TGFBR3: variants seen among roughly 807,000 people sequenced by gnomAD.
The protein encoded by TGFBR3 is transforming growth factor beta receptor type 3.
A neutral mutation model predicts 87.9 loss-of-function variants in TGFBR3; 46 were observed. That is an observed-to-expected ratio of 0.52 (90% confidence interval 0.41 to 0.67). The LOEUF (loss-of-function observed/expected upper bound fraction) is 0.67, where lower values mean the gene tolerates loss of function less well. Ranked by LOEUF, TGFBR3 falls within the 30% of genes least tolerant of loss-of-function variation. The pLI, the probability that TGFBR3 is intolerant of heterozygous loss-of-function variation, is 0.00. For synonymous variants in TGFBR3, 381 were observed against 391.6 expected, an observed-to-expected ratio of 0.97 and a Z score of 0.32; for missense variants, 866 against 1,041.9, an observed-to-expected ratio of 0.83 and a Z score of 2.32.
At chr1:91,702,675 C>T (rs1314771169) in intron 14 of TGFBR3, among the ~76,000 whole-genome samples, 1 of 152,058 alleles carries the variant, frequency 6.6e-6, no homozygotes, top group African/African-American at 2.4e-5. Flanking sequence ...ACAAGATTCA[C>T]CATAAATTGG....
chr1:91,852,993 G>A (rs1677797332), intron 2 of TGFBR3, among the ~76,000 whole-genome samples: 1 of 150,362 alleles, frequency 6.7e-6, no homozygotes, highest in South Asian at 2.1e-4. Context: ...CATCTCTACA[G>A]AAAAAAAACA....
At chr1:91,807,952 T>C (rs1675895703) in intron 2 of TGFBR3, among the ~76,000 whole-genome samples, 1 of 152,206 alleles carries the variant, frequency 6.6e-6, no homozygotes, top group Non-Finnish European at 1.5e-5. Context: ...ATTAGAGACA[T>C]AAAGTCCCTT....
chr1:91,772,078 C>T (rs922675043), intron 3 of TGFBR3, among the ~76,000 whole-genome samples: 1 of 152,098 alleles, frequency 6.6e-6, no homozygotes, highest in Non-Finnish European at 1.5e-5. Flanking sequence ...AGAAGAATGT[C>T]GTTGAAAGGG....
chr1:91,689,840 T>TAAAA (rs545760131), intron 16 of TGFBR3, among the ~76,000 whole-genome samples: 203 of 98,940 alleles, frequency 2.1e-3, no homozygotes, highest in East Asian at 4.7e-3. Flanking sequence ...AGAAACTGAT[T>TAAAA]AAAAAAAAAA....
chr1:91,860,566 G>C (rs776179278), intron 2 of TGFBR3, among the ~76,000 whole-genome samples: 4 of 152,072 alleles, frequency 2.6e-5, no homozygotes, highest in Non-Finnish European at 5.9e-5. Context: ...TGGGAGATCC[G>C]ATACTCTTAG....
intron 2 of TGFBR3, among the ~76,000 whole-genome samples, chr1:91,828,245 T>C (rs147480043): frequency 3.3e-5 from 5 of 152,184 alleles, no homozygotes; most frequent in African/African-American, 1.2e-4. Flanking sequence ...TCCTGCACCA[T>C]GAAGAACTTT....
At chr1:91,800,912 C>T (rs1478516729) in intron 2 of TGFBR3, 6 of 195,638 alleles carry the variant, frequency 3.1e-5, no homozygotes, top group South Asian at 7.1e-5. Flanking sequence ...TGGTAAACCC[C>T]GTGTCTACTA....
chr1:91,771,431 A>T (rs1674372910), intron 3 of TGFBR3, among the ~76,000 whole-genome samples: 1 of 152,130 alleles, frequency 6.6e-6, no homozygotes, highest in South Asian at 2.1e-4. Flanking sequence ...TGGGCCGGAC[A>T]CGGTGGCTCA....
chr1:91,780,661 G>T (rs1674728119), intron 3 of TGFBR3, among the ~76,000 whole-genome samples: 1 of 145,520 alleles, frequency 6.9e-6, no homozygotes. Flanking sequence ...CCGGGCTCAA[G>T]CGATTCTCCT....
At chr1:91,811,798 C>T (rs572608371) in intron 2 of TGFBR3, among the ~76,000 whole-genome samples, 71 of 152,104 alleles carry the variant, frequency 4.7e-4, no homozygotes, top group African/African-American at 1.5e-3. Flanking sequence ...CGAAACTTTA[C>T]ATAGTAACAT....
At chr1:91,782,862 G>A (rs966926447) in intron 3 of TGFBR3, among the ~76,000 whole-genome samples, 3 of 152,170 alleles carry the variant, frequency 2.0e-5, no homozygotes, top group African/African-American at 7.2e-5. Context: ...CTCTGGGAGG[G>A]GGACTCACCT....
chr1:91,832,585 G>A (rs1303559119), intron 2 of TGFBR3, among the ~76,000 whole-genome samples: 1 of 152,182 alleles, frequency 6.6e-6, no homozygotes, highest in Non-Finnish European at 1.5e-5. Flanking sequence ...CTCACTCAAA[G>A]TCATAAAATT....
At position 91,680,670 on chromosome 1, in the gene TGFBR3, C is replaced by G. The variant is rs1670877669; in HGVS notation, c.*3069G>C. The G allele has an allele frequency of 2.2e-6, 1 of 453,838 alleles. No homozygotes were observed. The highest frequency in any genetic ancestry group is 2.0e-5 in the African/African-American group (1 of 49,946). The allele number at this position is 453,838 out of a possible 1,614,324, so 28.1% of individuals were successfully genotyped here. On this transcript the variant is annotated 3_prime_UTR_variant, in exon 17 of 17. Coordinates refer to ENST00000212355, the MANE Select transcript of TGFBR3 (RefSeq NM_003243.5). ...CAGATAAAACAAACATGAAAAAAATCACATAGGACTCACCCAACAAAATGT... is the reference window on the plus strand; with the variant it reads ...CAGATAAAACAAACATGAAAAAAATGACATAGGACTCACCCAACAAAATGT...
rs762367517 is a variant in TGFBR3, at chr1:91,716,552, G to A, written c.1707+16C>T. ...CAGCATTTTCCACAAACCCCCTACT[G>A]ATAACAAACACATACCACCACGATT... On this transcript the variant is annotated intron_variant, in intron 11 of 16. Transcript: ENST00000212355. 10 of 1,613,914 alleles carry A rather than the reference G, an allele frequency of 6.2e-6. No individual in the cohort carries two copies. In the African/African-American group the frequency reaches 1.3e-4, roughly 22 times the overall value.
intron 2 of TGFBR3, among the ~76,000 whole-genome samples, chr1:91,815,371 G>A (rs2489178): frequency 0.13 from 19,362 of 151,570 alleles, 1,583 homozygotes; most frequent in East Asian, 0.38. Context: ...CTAATCCTCA[G>A]GGTCATCATG....
chr1:91,688,608 T>A (rs111254593), intron 16 of TGFBR3, among the ~76,000 whole-genome samples: 2,965 of 152,278 alleles, frequency 0.019, 90 homozygotes, highest in African/African-American at 0.067. Context: ...AAAAAAAATC[T>A]AAGCGTGTAA....
chr1:91,753,060 G>T (rs776860813), intron 4 of TGFBR3, among the ~76,000 whole-genome samples: 4 of 151,256 alleles, frequency 2.6e-5, no homozygotes, highest in Non-Finnish European at 5.9e-5. Context: ...AAAAAATCAG[G>T]TACATGGAAT....
chr1:91,856,370 G>A lies in TGFBR3; in HGVS notation c.61+5101C>T, dbSNP rs570664398. Among the ~76,000 whole-genome samples the A allele has an allele frequency of 6.6e-5, 10 of 152,204 alleles. No individual in the cohort carries two copies. In the East Asian group the frequency reaches 1.9e-3, roughly 29 times the overall value. On this transcript the variant is annotated intron_variant, in intron 2 of 16. Transcript: ENST00000212355. ...CGTGAGCCACCACGCCCAGCCGAAAGCATGAGTTTTGTCAGAACAACACTA... is the reference window on the plus strand; with the variant it reads ...CGTGAGCCACCACGCCCAGCCGAAAACATGAGTTTTGTCAGAACAACACTA...
At chr1:91,823,846 T>C (rs1452240131) in intron 2 of TGFBR3, among the ~76,000 whole-genome samples, 1 of 152,216 alleles carries the variant, frequency 6.6e-6, no homozygotes, top group Admixed American at 6.5e-5. Flanking sequence ...ATGTGTGCAA[T>C]TTGCTGGGTG....
Sources: allele counts gnomAD v4.1 joint callset (sites outside exome capture counted in the v4.1 genomes callset), GRCh38; gene constraint gnomAD v4.1.1; transcripts MANE v1.5; gene names NCBI Gene and HGNC (gene_info 2026-07-23, HGNC 2026-07-21).